The following BMPR1B variants were observed in gnomAD, a reference collection of about 807,000 sequenced individuals.
The protein encoded by BMPR1B is bone morphogenetic protein receptor type-1B.
BMPR1B carries 12 observed loss-of-function variants against 59.1 expected under a neutral mutation model. The observed-to-expected ratio is 0.20, with a 90% confidence interval of 0.13 to 0.33. BMPR1B has a LOEUF of 0.33. Among genes scored for constraint, BMPR1B ranks in the 10% least tolerant of loss-of-function variants. The pLI is 1.00. For synonymous variants in BMPR1B, 237 were observed against 207.3 expected, an observed-to-expected ratio of 1.14 and a Z score of -1.23; for missense variants, 550 against 610.9, an observed-to-expected ratio of 0.90 and a Z score of 1.05.
intron 1 of BMPR1B, among the ~76,000 whole-genome samples, chr4:94,861,763 T>A (rs1265421999): frequency 6.6e-6 from 1 of 152,188 alleles, no homozygotes; most frequent in East Asian, 1.9e-4. Flanking sequence ...AGCTAATCCA[T>A]TTTCCAAAAG....
chr4:95,005,789 T>C (rs1428045030), intron 3 of BMPR1B, among the ~76,000 whole-genome samples: 2 of 152,194 alleles, frequency 1.3e-5, no homozygotes, highest in Non-Finnish European at 2.9e-5. Flanking sequence ...GAAAACTCTT[T>C]TTGTGTGTGT....
chr4:94,831,411 G>A (rs544194615), intron 1 of BMPR1B, among the ~76,000 whole-genome samples: 1 of 152,026 alleles, frequency 6.6e-6, no homozygotes, highest in South Asian at 2.1e-4. Context: ...AATTATTAAA[G>A]AAAAATATTT....
intron 3 of BMPR1B, among the ~76,000 whole-genome samples, chr4:95,101,719 C>T (rs1730835140): frequency 6.6e-6 from 1 of 152,104 alleles, no homozygotes; most frequent in African/African-American, 2.4e-5. Flanking sequence ...GTGCATCTAA[C>T]TTTCTCCTAC....
chr4:94,794,680 C>T (rs1019493670), intron 1 of BMPR1B, among the ~76,000 whole-genome samples: 61 of 151,962 alleles, frequency 4.0e-4, no homozygotes, highest in African/African-American at 1.2e-3. Context: ...TTCTTTGTAT[C>T]GTCTTTTATT....
intron 6 of BMPR1B, among the ~76,000 whole-genome samples, chr4:95,116,421 G>A (rs79103604): frequency 0.043 from 5,256 of 123,198 alleles, 215 homozygotes; most frequent in African/African-American, 0.11. Flanking sequence ...TTCAGCGCGC[G>A]CACACACACA....
chr4:95,141,824 A>T (rs749515051), intron 10 of BMPR1B, among the ~76,000 whole-genome samples: 2 of 152,174 alleles, frequency 1.3e-5, no homozygotes, highest in Non-Finnish European at 2.9e-5. Flanking sequence ...ACCTGCAATA[A>T]AGACTAGGCT....
At chr4:95,153,581 G>T (rs1014022594) in intron 12 of BMPR1B, among the ~76,000 whole-genome samples, 2 of 152,140 alleles carry the variant, frequency 1.3e-5, no homozygotes, top group African/African-American at 4.8e-5. Flanking sequence ...GGGCACTGTG[G>T]CTCACATCTG....
At chr4:95,112,834 C>T (rs540186944) in intron 4 of BMPR1B, among the ~76,000 whole-genome samples, 1 of 152,076 alleles carries the variant, frequency 6.6e-6, no homozygotes, top group South Asian at 2.1e-4. Flanking sequence ...TGTTCCATTT[C>T]TTTTTTATTC....
At chr4:94,771,809 A>G (rs1578625461) in intron 1 of BMPR1B, among the ~76,000 whole-genome samples, 1 of 152,304 alleles carries the variant, frequency 6.6e-6, no homozygotes, top group Non-Finnish European at 1.5e-5. Context: ...TAGCCCAGGT[A>G]ACTTGCTAAC....
At chr4:94,820,387 T>C (rs1724162511) in intron 1 of BMPR1B, among the ~76,000 whole-genome samples, 1 of 152,218 alleles carries the variant, frequency 6.6e-6, no homozygotes, top group Non-Finnish European at 1.5e-5. Context: ...TCCTGAGCAA[T>C]TTGCCAGTTG....
chr4:94,820,818 C>T (rs775487034), intron 1 of BMPR1B, among the ~76,000 whole-genome samples: 1 of 152,140 alleles, frequency 6.6e-6, no homozygotes, highest in Non-Finnish European at 1.5e-5. Context: ...GAAAGGAGAA[C>T]CAATTCATTC....
intron 3 of BMPR1B, among the ~76,000 whole-genome samples, chr4:95,039,421 C>CT (rs35591365): frequency 0.34 from 48,175 of 140,836 alleles, 8,635 homozygotes; most frequent in African/African-American, 0.48. Context: ...TTTACTTCTT[C>CT]TTTTTTTTTT....
chr4:95,006,079 T>C (rs1722805463), intron 3 of BMPR1B, among the ~76,000 whole-genome samples: 1 of 152,150 alleles, frequency 6.6e-6, no homozygotes, highest in Non-Finnish European at 1.5e-5. Context: ...GAGACCAGCC[T>C]GGCCAACATG....
intron 1 of BMPR1B, among the ~76,000 whole-genome samples, chr4:94,843,999 AG>A (rs11340739): frequency 0.61 from 92,752 of 151,490 alleles, 29,374 homozygotes; most frequent in African/African-American, 0.78. Flanking sequence ...GGTGGTCCCC[AG>A]GGGCTGGGGT....
chr4:94,985,697 G>A (rs1269780275), intron 2 of BMPR1B, among the ~76,000 whole-genome samples: 1 of 152,090 alleles, frequency 6.6e-6, no homozygotes, highest in Non-Finnish European at 1.5e-5. Context: ...ATAGTAGTAA[G>A]GGCCCAAGAT....
chr4:94,834,175 G>A (rs940343908), intron 1 of BMPR1B, among the ~76,000 whole-genome samples: 4 of 152,190 alleles, frequency 2.6e-5, no homozygotes, highest in Admixed American at 2.6e-4. Context: ...AGAAGGCACA[G>A]TTCTGCCTGT....
intron 1 of BMPR1B, among the ~76,000 whole-genome samples, chr4:94,854,532 T>G (rs571501785): frequency 5.9e-5 from 9 of 152,330 alleles, no homozygotes; most frequent in African/African-American, 2.2e-4. Context: ...ATGTAGTTGT[T>G]GCCTTCTTGG....
chr4:94,916,927 C>T (rs1381754270), intron 2 of BMPR1B, among the ~76,000 whole-genome samples: 1 of 152,192 alleles, frequency 6.6e-6, no homozygotes, highest in Non-Finnish European at 1.5e-5. Flanking sequence ...CCCTGTGCAG[C>T]CTTGGGACAT....
intron 2 of BMPR1B, among the ~76,000 whole-genome samples, chr4:94,944,911 G>T (rs1165974890): frequency 1.3e-5 from 2 of 152,128 alleles, no homozygotes. Context: ...TTAAGAATAT[G>T]AACAGCAGCT....
Sources: gnomAD v4.1 joint callset for allele counts (sites outside exome capture counted in the v4.1 genomes callset) on GRCh38, gnomAD v4.1.1 for gene constraint, MANE v1.5 for transcripts, NCBI Gene and HGNC (gene_info 2026-07-23, HGNC 2026-07-21) for gene names.